Variants in KIAA1671 observed in about 807,000 individuals in gnomAD.
KIAA1671 encodes the protein KIAA1671.
KIAA1671 carries 52 observed loss-of-function variants against 131.2 expected under a neutral mutation model. That is an observed-to-expected ratio of 0.40 (90% CI 0.32 to 0.50). The LOEUF (loss-of-function observed/expected upper bound fraction) is 0.50. Among genes scored for constraint, KIAA1671 ranks in the 20% least tolerant of loss-of-function variants. The pLI is 0.73. For missense variants in KIAA1671, 2,360 were observed against 2,364.2 expected (o/e 1.00, Z 0.04); for synonymous variants, 1,003 against 961.6 (o/e 1.04, Z -0.80).
intron 1 of KIAA1671, among the ~76,000 whole-genome samples, chr22:24,989,793 G>A (rs774577911): frequency 5.9e-5 from 9 of 152,104 alleles, no homozygotes; most frequent in Non-Finnish European, 1.3e-4. Context: ...TTTTGGTGCC[G>A]GGAGGGTGTG....
At chr22:25,077,442 C>A (rs1293975714) in intron 6 of KIAA1671, among the ~76,000 whole-genome samples, 1 of 152,106 alleles carries the variant, frequency 6.6e-6, no homozygotes, top group Non-Finnish European at 1.5e-5. Context: ...TGGCAGGGAC[C>A]CCCACCTCCT....
chr22:25,091,771 AGAGGAGAT>A (rs1274980332), intron 6 of KIAA1671, among the ~76,000 whole-genome samples: 1 of 152,150 alleles, frequency 6.6e-6, no homozygotes, highest in African/African-American at 2.4e-5. Context: ...TAAGGGGTTG[AGAGGAGAT>A]GCCCGCTGCT....
intron 6 of KIAA1671, among the ~76,000 whole-genome samples, chr22:25,126,942 G>A (rs563336896): frequency 6.6e-6 from 1 of 152,200 alleles, no homozygotes; most frequent in East Asian, 1.9e-4. Context: ...GTGTATCCCA[G>A]TTGTGCAGCT....
chr22:25,059,632 C>T (rs1432877869), intron 6 of KIAA1671: 2 of 152,308 alleles, frequency 1.3e-5, no homozygotes, highest in Non-Finnish European at 2.9e-5. Flanking sequence ...GGCAGGGGAA[C>T]TAGAAAGACT....
intron 6 of KIAA1671, among the ~76,000 whole-genome samples, chr22:25,084,344 G>A (rs1432229707): frequency 1.3e-5 from 2 of 151,668 alleles, no homozygotes; most frequent in Non-Finnish European, 2.9e-5. Context: ...GCATGGTGGC[G>A]CACGCCTGTA....
chr22:25,151,710 G>A (rs1933050926), intron 6 of KIAA1671, among the ~76,000 whole-genome samples: 1 of 151,940 alleles, frequency 6.6e-6, no homozygotes, highest in Admixed American at 6.6e-5. Flanking sequence ...AAAGTGCTGG[G>A]ATTACAGGTG....
chr22:25,107,274 G>A (rs901277297), intron 6 of KIAA1671, among the ~76,000 whole-genome samples: 4 of 151,810 alleles, frequency 2.6e-5, no homozygotes, highest in African/African-American at 4.8e-5. Flanking sequence ...AAAATTAGCC[G>A]GGCGTGGTGG....
chr22:25,113,231 G>A (rs1385732091), intron 6 of KIAA1671, among the ~76,000 whole-genome samples: 3 of 152,104 alleles, frequency 2.0e-5, no homozygotes, highest in Non-Finnish European at 4.4e-5. Flanking sequence ...GCCAGGTCCC[G>A]AACCCCAGGC....
Position 25,041,151 on chromosome 22 carries a change from T to C in KIAA1671, c.4021T>C (p.Cys1341Arg), listed in dbSNP as rs1926903440. Reference protein sequence around the residue: ...AFASKHHVAKCQNYLAESKPS... With the variant: ...AFASKHHVAKRQNYLAESKPS... ...TGCCAGTAAACATCATGTTGCAAAG[T>C]GTCAGAATTACCTGGCTGAGTCAAA... Residue 1341 changes from cysteine to arginine, a missense_variant, in exon 5 of 13, where the codon TGT (cysteine) becomes CGT (arginine). Physicochemically the swap from Cys to Arg is radical, Grantham distance 180. This residue lies in a region of KIAA1671 where 1,161 missense variants were observed against 1,204.7 expected (regional missense o/e 0.96). Coordinates refer to ENST00000358431, the MANE Select transcript of KIAA1671 (RefSeq NM_001145206.2). 5.8e-6 allele frequency: 9 copies of C among 1,551,290 alleles called. No individual in the cohort carries two copies. Among genetic ancestry groups the C allele is most frequent in the East Asian group, 2.4e-5 (1 of 40,920 alleles).
At chr22:25,048,655 A>T (rs1602097824) in intron 5 of KIAA1671, among the ~76,000 whole-genome samples, 2 of 152,286 alleles carry the variant, frequency 1.3e-5, no homozygotes, top group East Asian at 3.9e-4. Context: ...AAGTGGAAAA[A>T]AACAGCAGGA....
chr22:25,142,706 T>C (rs1932824132), intron 6 of KIAA1671, among the ~76,000 whole-genome samples: 1 of 152,154 alleles, frequency 6.6e-6, no homozygotes, highest in Admixed American at 6.5e-5. Flanking sequence ...ACCCCGTCTC[T>C]AATAAAAATA....
chr22:25,036,119 T>G (rs1926579926), intron 4 of KIAA1671, among the ~76,000 whole-genome samples: 1 of 152,148 alleles, frequency 6.6e-6, no homozygotes, highest in Non-Finnish European at 1.5e-5. Flanking sequence ...TCGCTCTTGT[T>G]GCCCAGGCTG....
intron 8 of KIAA1671, 196 bp downstream of exon 8, chr22:25,174,685 C>T: frequency 1.8e-6 from 1 of 540,936 alleles, no homozygotes; most frequent in Non-Finnish European, 3.1e-6. Context: ...GGGCAAATGT[C>T]TTCACCTCTC....
At position 25,043,351 on chromosome 22, in the gene KIAA1671, A is replaced by G. The variant is rs1189409145; in HGVS notation, c.4395+1826A>G. Among the ~76,000 whole-genome samples, 4 of 152,178 alleles carry G rather than the reference A, an allele frequency of 2.6e-5. No individual in the cohort carries two copies. In the East Asian group the frequency reaches 7.7e-4, roughly 29 times the overall value. ...GTTGGGCAGAGTGCTGACACTACCT[A>G]CTGCTGTGTGATCATCTTCCTGTAC... On this transcript the variant is annotated intron_variant, in intron 5 of 12. Transcript: ENST00000358431.
At chr22:25,093,838 GTCTCTCTCTC>G (rs56200570) in intron 6 of KIAA1671, among the ~76,000 whole-genome samples, 20 of 19,642 alleles carry the variant, frequency 1.0e-3, no homozygotes, top group East Asian at 4.8e-3. Context: ...CTCTCTGTCT[GTCTCTCTCTC>G]TCTCTCTCTC....
At chr22:25,072,151 G>A (rs78068914) in intron 6 of KIAA1671, among the ~76,000 whole-genome samples, 1 of 152,178 alleles carries the variant, frequency 6.6e-6, no homozygotes, top group African/African-American at 2.4e-5. Flanking sequence ...AGAGCCCATG[G>A]CATGCCCATG....
intron 6 of KIAA1671, among the ~76,000 whole-genome samples, chr22:25,108,360 C>A (rs1883279): frequency 6.6e-6 from 1 of 151,996 alleles, no homozygotes; most frequent in African/African-American, 2.4e-5. Context: ...CTGGGGCCAG[C>A]GGGGAGGACT....
chr22:25,130,627 A>C (rs1031513824), intron 6 of KIAA1671, among the ~76,000 whole-genome samples: 2 of 152,236 alleles, frequency 1.3e-5, no homozygotes, highest in Admixed American at 1.3e-4. Context: ...GACACTGTCA[A>C]AGACAAGGGT....
intron 1 of KIAA1671, among the ~76,000 whole-genome samples, chr22:24,983,729 G>C (rs1160300272): frequency 6.6e-6 from 1 of 150,498 alleles, no homozygotes; most frequent in Non-Finnish European, 1.5e-5. Context: ...GCTGAAGCTG[G>C]GGGTCTGGGG....
Sources: allele counts gnomAD v4.1 joint callset (sites outside exome capture counted in the v4.1 genomes callset), GRCh38; gene constraint gnomAD v4.1.1; regional missense constraint gnomAD v4.1.1; transcripts MANE v1.5; gene names NCBI Gene and HGNC (gene_info 2026-07-23, HGNC 2026-07-21).